CCDC7: variants seen among roughly 807,000 people sequenced by gnomAD.
The protein encoded by CCDC7 is coiled-coil domain containing 7.
Under a neutral mutation model 196.9 loss-of-function variants are expected in CCDC7, and 183 were observed. That is an observed-to-expected ratio of 0.93 (90% CI 0.82 to 1.05). The LOEUF (loss-of-function observed/expected upper bound fraction) is 1.05. Among genes scored for constraint, CCDC7 ranks in the 50% least tolerant of loss-of-function variants. The probability of loss-of-function intolerance (pLI) is 0.00; values close to 1 mark genes in which losing one functional copy is unlikely to be tolerated. For synonymous variants in CCDC7, 525 were observed against 484.6 expected, an observed-to-expected ratio of 1.08 and a Z score of -1.10; for missense variants, 1,540 against 1,482.2, an observed-to-expected ratio of 1.04 and a Z score of -0.64.
intron 20 of CCDC7, among the ~76,000 whole-genome samples, chr10:32,653,744 A>G (rs1308809092): frequency 6.6e-6 from 1 of 152,222 alleles, no homozygotes; most frequent in Non-Finnish European, 1.5e-5. Context: ...CTCAAATTAC[A>G]AATGTTGCAA....
chr10:32,849,114 GT>G lies in CCDC7; in HGVS notation c.3895+408del, dbSNP rs76259220. On this transcript the variant is annotated intron_variant, in intron 39 of 41. Transcript: ENST00000639629. ...TCTGCAATATGGATTGCTGGGTTTT[GT>G]TTTTTTTTTTTCATTTATACCCATC... Among the ~76,000 whole-genome samples, 129 of 127,994 alleles carry G rather than the reference GT, an allele frequency of 1.0e-3. No individual in the cohort carries two copies. In the Middle Eastern group the frequency reaches 0.018, roughly 17 times the overall value. The allele number at this position is 127,994 out of a possible 152,430, so 84.0% of individuals were successfully genotyped here.
At chr10:32,531,351 T>C (rs1237376491) in intron 11 of CCDC7, among the ~76,000 whole-genome samples, 1 of 152,196 alleles carries the variant, frequency 6.6e-6, no homozygotes, top group African/African-American at 2.4e-5. Context: ...CTTGAACTCC[T>C]GGATGGAAGT....
At chr10:32,512,981 A>G (rs955745038) in intron 9 of CCDC7, 1 of 152,160 alleles carries the variant, frequency 6.6e-6, no homozygotes, top group Non-Finnish European at 1.5e-5. Context: ...AATATAATAG[A>G]AATTTCCCCC....
At chr10:32,568,231 TC>T (rs767149182) in intron 15 of CCDC7, among the ~76,000 whole-genome samples, 14 of 152,184 alleles carry the variant, frequency 9.2e-5, no homozygotes, top group Admixed American at 2.0e-4. Context: ...GGTCTTGATC[TC>T]CTGACCTCGT....
intron 25 of CCDC7, among the ~76,000 whole-genome samples, chr10:32,719,762 GA>G (rs1294927104): frequency 6.6e-6 from 1 of 151,952 alleles, no homozygotes; most frequent in Admixed American, 6.6e-5. Flanking sequence ...CAACAAACAT[GA>G]AAAAAAGCTC....
intron 18 of CCDC7, among the ~76,000 whole-genome samples, chr10:32,594,558 T>G (rs978813769): frequency 6.6e-6 from 1 of 152,202 alleles, no homozygotes; most frequent in Non-Finnish European, 1.5e-5. Context: ...TCTTGCCTGA[T>G]TGCCCTGGCC....
At chr10:32,517,653 G>A (rs1385501589) in intron 9 of CCDC7, among the ~76,000 whole-genome samples, 2 of 149,788 alleles carry the variant, frequency 1.3e-5, no homozygotes, top group African/African-American at 2.5e-5. Context: ...AGCATTAGGA[G>A]ATATACCTAA....
intron 22 of CCDC7, among the ~76,000 whole-genome samples, chr10:32,882,460 C>T (rs550180564): frequency 1.2e-4 from 19 of 152,108 alleles, no homozygotes; most frequent in African/African-American, 2.9e-4. Flanking sequence ...AGTTTGAACA[C>T]GGAGGGAGTC....
intron 28 of CCDC7, among the ~76,000 whole-genome samples, chr10:32,737,064 T>A (rs536340338): frequency 6.6e-6 from 1 of 152,280 alleles, no homozygotes; most frequent in South Asian, 2.1e-4. Context: ...TTTTTAAAAA[T>A]CATAAATGGG....
At chr10:32,602,910 T>C (rs1043083181) in intron 18 of CCDC7, among the ~76,000 whole-genome samples, 13 of 152,154 alleles carry the variant, frequency 8.5e-5, no homozygotes, top group African/African-American at 2.9e-4. Context: ...AAAATCGGGG[T>C]CTTTAGGATA....
chr10:32,670,394 ATTTATT>A (rs1406697856), intron 21 of CCDC7, among the ~76,000 whole-genome samples: 4 of 151,024 alleles, frequency 2.6e-5, no homozygotes, highest in Non-Finnish European at 5.9e-5. Flanking sequence ...TTTTTTTTAA[ATTTATT>A]ATTATTATAC....
chr10:32,520,121 A>C (rs1210052033), intron 11 of CCDC7, among the ~76,000 whole-genome samples: 1 of 152,054 alleles, frequency 6.6e-6, no homozygotes, highest in Admixed American at 6.6e-5. Context: ...TCATACGCTG[A>C]TGGACACAGA....
At chr10:32,573,929 C>T (rs777438122) in intron 16 of CCDC7, among the ~76,000 whole-genome samples, 4 of 152,068 alleles carry the variant, frequency 2.6e-5, no homozygotes, top group Non-Finnish European at 5.9e-5. Context: ...GTAGGGCCGA[C>T]TAGACATGTA....
At chr10:32,744,824 A>G (rs1354649715) in intron 28 of CCDC7, among the ~76,000 whole-genome samples, 1 of 152,204 alleles carries the variant, frequency 6.6e-6, no homozygotes, top group Non-Finnish European at 1.5e-5. Flanking sequence ...AATTTTAATT[A>G]AGTCCAGCTT....
intron 29 of CCDC7, among the ~76,000 whole-genome samples, chr10:32,786,153 A>G (rs921739013): frequency 1.3e-5 from 2 of 152,246 alleles, no homozygotes; most frequent in East Asian, 1.9e-4. Flanking sequence ...GTAACTGAAC[A>G]TGAGCTTTAA....
intron 8 of CCDC7, 83 bp downstream of exon 9, chr10:32,474,106 C>T: frequency 2.2e-6 from 3 of 1,388,690 alleles, no homozygotes; most frequent in Non-Finnish European, 2.9e-6. Context: ...ATTAGGTTAA[C>T]AGTGCAGACT....
In CCDC7 at chr10:32,645,503, C is replaced by CT. The variant is rs35170235; in HGVS notation, c.2014+10369dup. On this transcript the variant is annotated intron_variant, in intron 20 of 41. Coordinates refer to ENST00000639629, the Ensembl canonical transcript of CCDC7. ...GTTTTATTTTCTGTTGAGTCCATGT[C>CT]TTTTTTTTTTTTTTTTTTTTTTTTA... Among the ~76,000 whole-genome samples the CT allele has an allele frequency of 2.6e-3, 172 of 65,090 alleles. 2 individuals carry two copies. Among genetic ancestry groups the CT allele is most frequent in the African/African-American group, 3.8e-3 (72 of 18,862 alleles). 42.7% of individuals were successfully genotyped at this position (65,090 alleles called of 152,430 possible).
In CCDC7 at chr10:32,808,344, C is replaced by T. The variant is rs528887350; in HGVS notation, c.3097+3246C>T. Among the ~76,000 whole-genome samples, 9 of 152,272 alleles carry T rather than the reference C, an allele frequency of 5.9e-5. No homozygotes were observed. The South Asian group carries it at 1.7e-3, about 28-fold the overall frequency. On this transcript the variant is annotated intron_variant, in intron 30 of 41. Coordinates refer to ENST00000639629, the Ensembl canonical transcript of CCDC7. ...AGGCCCAGAAACCTGTCAGCAGCAC[C>T]AAAGCATGACACCCAAAGGCCGGGG...
chr10:32,810,708 AAC>A (rs2086893601), intron 30 of CCDC7, among the ~76,000 whole-genome samples: 1 of 152,152 alleles, frequency 6.6e-6, no homozygotes, highest in Admixed American at 6.6e-5. Flanking sequence ...GTAACTGCAG[AAC>A]ACACATTCTT....
Sources: allele counts gnomAD v4.1 joint callset (sites outside exome capture counted in the v4.1 genomes callset), GRCh38; gene constraint gnomAD v4.1.1; transcripts MANE v1.5; gene names NCBI Gene and HGNC (gene_info 2026-07-23, HGNC 2026-07-21).